The following ARNT2 variants were observed in gnomAD, a reference collection of about 807,000 sequenced individuals.
ARNT2 encodes the protein aryl hydrocarbon receptor nuclear translocator 2.
Under a neutral mutation model 91.7 loss-of-function variants are expected in ARNT2, and 36 were observed. The ratio of observed to expected loss-of-function variants is 0.39; its 90% CI spans 0.30 to 0.52. The LOEUF is 0.52. Ranked by LOEUF, ARNT2 falls within the 20% of genes least tolerant of loss-of-function variation. The pLI is 0.72. For missense variants in ARNT2, 775 were observed against 939.3 expected, an observed-to-expected ratio of 0.83 and a Z score of 2.29; for synonymous variants, 365 against 347.1, an observed-to-expected ratio of 1.05 and a Z score of -0.57.
At chr15:80,427,610 A>G (rs1461042773) in intron 1 of ARNT2, among the ~76,000 whole-genome samples, 1 of 152,164 alleles carries the variant, frequency 6.6e-6, no homozygotes, top group African/African-American at 2.4e-5. Flanking sequence ...CTCTAGGTAC[A>G]CCTATGCCAA....
chr15:80,587,615 T>A (rs997329664), intron 17 of ARNT2, among the ~76,000 whole-genome samples: 2 of 152,236 alleles, frequency 1.3e-5, no homozygotes, highest in African/African-American at 4.8e-5. Context: ...TCCCTGCCTC[T>A]GTGACCTAGG....
At chr15:80,412,843 C>T (rs921535647) in intron 1 of ARNT2, among the ~76,000 whole-genome samples, 1 of 152,312 alleles carries the variant, frequency 6.6e-6, no homozygotes, top group South Asian at 2.1e-4. Context: ...CTGCTGTCCA[C>T]AAAGGTTAGA....
chr15:80,443,112 T>C (rs1896220189), intron 1 of ARNT2: 1 of 820,076 alleles, frequency 1.2e-6, no homozygotes, highest in African/African-American at 1.9e-5. Flanking sequence ...AGGAGTGATA[T>C]TTGAGCAAAA....
At position 80,593,786 on chromosome 15, in the gene ARNT2, T is replaced by C; in HGVS notation, c.*88T>C. The C allele has an allele frequency of 3.9e-6, 5 of 1,268,260 alleles. No individual in the cohort carries two copies. Among genetic ancestry groups the C allele is most frequent in the Admixed American group, 2.0e-5 (1 of 49,120 alleles). 78.6% of individuals were successfully genotyped at this position (1,268,260 alleles called of 1,614,324 possible). On this transcript the variant is annotated 3_prime_UTR_variant, in exon 19 of 19. Coordinates refer to ENST00000303329, the MANE Select transcript of ARNT2 (RefSeq NM_014862.4). The stretch of plus-strand genomic sequence containing the variant: ...TGAATGAGGCCCACCCTCGCCCTGC[T>C]TGCCCTGCCGCAGGCCCCCCACCAG...
chr15:80,499,621 G>A (rs1897164336), intron 5 of ARNT2, among the ~76,000 whole-genome samples: 1 of 152,214 alleles, frequency 6.6e-6, no homozygotes. Flanking sequence ...GAGAAAAGAG[G>A]GGGAAAGGTG....
Position 80,513,973 on chromosome 15 carries a change from T to C in ARNT2, c.788T>C (p.Phe263Ser), listed in dbSNP as rs367824683. ...LNRITTMRKR[F>S]RNGLGPVKEG... ...AGAATAACCACCATGAGGAAAAGGT[T>C]CAGGTCAGTATCTCTTCCGATGTAT... Residue 263 changes from phenylalanine to serine, a missense_variant, in exon 7 of 19, where the codon TTC becomes TCC. By Grantham distance (155) the Phe-to-Ser change is radical (BLOSUM62 -2). Transcript: ENST00000303329. The C allele has an allele frequency of 1.9e-6, 3 of 1,612,356 alleles. No individual in the cohort carries two copies. The highest frequency in any genetic ancestry group is 2.5e-6 in the Non-Finnish European group (3 of 1,178,520).
chr15:80,441,445 A>G, intron 1 of ARNT2: 1 of 969,194 alleles, frequency 1.0e-6, no homozygotes, highest in Non-Finnish European at 1.2e-6. Flanking sequence ...AATATTGAGA[A>G]GAGCGTTTTT....
At chr15:80,522,596 CT>C (rs1897567000) in intron 8 of ARNT2, among the ~76,000 whole-genome samples, 10 of 151,924 alleles carry the variant, frequency 6.6e-5, no homozygotes, top group Admixed American at 6.6e-4. Context: ...TGTTATTGTA[CT>C]GAATATTTTA....
intron 8 of ARNT2, among the ~76,000 whole-genome samples, chr15:80,514,879 C>G (rs1897408128): frequency 6.6e-6 from 1 of 152,022 alleles, no homozygotes; most frequent in African/African-American, 2.4e-5. Flanking sequence ...CAGCAAGACC[C>G]CATCTCAAAA....
At chr15:80,520,716 A>G (rs1260217598) in intron 8 of ARNT2, among the ~76,000 whole-genome samples, 1 of 152,188 alleles carries the variant, frequency 6.6e-6, no homozygotes, top group East Asian at 1.9e-4. Context: ...AATTAGGTAC[A>G]GTTTTTCATA....
Position 80,580,264 on chromosome 15 carries a change from C to G in ARNT2, c.1614-147C>G, listed in dbSNP as rs560294571. On this transcript the variant is annotated intron_variant, in intron 15 of 18. Coordinates refer to ENST00000303329, the MANE Select transcript of ARNT2 (RefSeq NM_014862.4). ...GACGGCCAAGGGGCTTTGAGGCTCA[C>G]GATGTGTGAGTCATTTTCTCTAGTG... 196 of 1,059,510 alleles carry G rather than the reference C, an allele frequency of 1.8e-4. 1 individual carries two copies. The Middle Eastern group carries it at 4.7e-3, about 26-fold the overall frequency. The allele number at this position is 1,059,510 out of a possible 1,614,324, so 65.6% of individuals were successfully genotyped here.
At chr15:80,490,617 C>T (rs1476135452) in intron 5 of ARNT2, among the ~76,000 whole-genome samples, 2 of 152,256 alleles carry the variant, frequency 1.3e-5, no homozygotes, top group Non-Finnish European at 2.9e-5. Flanking sequence ...GACCCCGCCC[C>T]ACAGTCCCGT....
intron 8 of ARNT2, among the ~76,000 whole-genome samples, chr15:80,529,321 C>T (rs1310587934): frequency 6.6e-6 from 1 of 152,192 alleles, no homozygotes; most frequent in Non-Finnish European, 1.5e-5. Flanking sequence ...AGTGGTATCA[C>T]TTCACTCTGA....
intron 12 of ARNT2, among the ~76,000 whole-genome samples, chr15:80,564,334 G>A (rs1898432798): frequency 6.6e-6 from 1 of 152,080 alleles, no homozygotes; most frequent in East Asian, 1.9e-4. Flanking sequence ...CTCAGAACTT[G>A]CCTGGCTCTG....
chr15:80,428,268 A>C (rs1218977329), intron 1 of ARNT2, among the ~76,000 whole-genome samples: 1 of 152,246 alleles, frequency 6.6e-6, no homozygotes, highest in East Asian at 1.9e-4. Context: ...TGAACAGTGT[A>C]ATCGATATTC....
chr15:80,473,352 C>T (rs1274713734), intron 4 of ARNT2, among the ~76,000 whole-genome samples: 5 of 152,118 alleles, frequency 3.3e-5, no homozygotes, highest in Non-Finnish European at 5.9e-5. Flanking sequence ...GTCCGTGATG[C>T]GAGCAGGGCT....
At chr15:80,587,581 A>G (rs1243842181) in intron 17 of ARNT2, among the ~76,000 whole-genome samples, 1 of 152,202 alleles carries the variant, frequency 6.6e-6, no homozygotes, top group Non-Finnish European at 1.5e-5. Context: ...TTGAGCTTCA[A>G]ATTTTTAAAA....
At chr15:80,471,728 G>A (rs760102409) in intron 4 of ARNT2, among the ~76,000 whole-genome samples, 8 of 152,170 alleles carry the variant, frequency 5.3e-5, no homozygotes, top group Non-Finnish European at 1.2e-4. Context: ...AGGAAGCTGA[G>A]GCTTAGAGTC....
intron 11 of ARNT2, among the ~76,000 whole-genome samples, chr15:80,557,674 A>G (rs1261428932): frequency 1.3e-5 from 2 of 151,910 alleles, no homozygotes; most frequent in African/African-American, 4.8e-5. Flanking sequence ...TCTCATCACC[A>G]TCCACCTGTT....
Sources: gnomAD v4.1 joint callset for allele counts (sites outside exome capture counted in the v4.1 genomes callset) on GRCh38, gnomAD v4.1.1 for gene constraint, MANE v1.5 for transcripts, NCBI Gene and HGNC (gene_info 2026-07-23, HGNC 2026-07-21) for gene names.